Variants in DYNC1H1 observed in about 807,000 individuals in gnomAD.
DYNC1H1 encodes dynein cytoplasmic 1 heavy chain 1, also known as cytoplasmic dynein 1 heavy chain 1.
A neutral mutation model predicts 527.1 loss-of-function variants in DYNC1H1; 51 were observed. The ratio of observed to expected loss-of-function variants is 0.10; its 90% CI spans 0.08 to 0.12. The LOEUF (loss-of-function observed/expected upper bound fraction) is 0.12, where lower values mean the gene tolerates loss of function less well. Ranked by LOEUF, DYNC1H1 falls within the 10% of genes least tolerant of loss-of-function variation. DYNC1H1 has a pLI of 1.00. For synonymous variants in DYNC1H1, 2,189 were observed against 2,278.8 expected (o/e 0.96, Z 1.12); for missense variants, 2,771 against 5,971.8 (o/e 0.46, Z 17.66).
intron 51 of DYNC1H1, among the ~76,000 whole-genome samples, 156 bp from the exon 52 acceptor site, chr14:102,032,116 A>G (rs933595541): frequency 1.3e-5 from 2 of 152,232 alleles, no homozygotes; most frequent in African/African-American, 4.8e-5. Context: ...AGAGGGTTTA[A>G]TACAGAAAAG....
chr14:101,985,738 A>G lies in DYNC1H1; in HGVS notation c.1513A>G (p.Met505Val). The stretch of plus-strand genomic sequence containing the variant: ...AGGAGAGGTCCCTGAACCCCAAGAT[A>G]TGAAAGTGGCTGAGGTTCTCTTTGA... ...NQGEVPEPQD[M>V]KVAEVLFDAA... Residue 505 changes from methionine to valine, a missense_variant, in exon 8 of 78, where the codon ATG (methionine) becomes GTG (valine). By Grantham distance (21) the Met-to-Val change is conservative. Coordinates refer to ENST00000360184, the MANE Select transcript of DYNC1H1 (RefSeq NM_001376.5). This position sits in a 1 kb window ranked among gnomAD's most constrained non-coding sequence, Gnocchi z 5.9. The G allele has an allele frequency of 6.2e-7, 1 of 1,614,228 alleles. No homozygotes were observed. Among genetic ancestry groups the G allele is most frequent in the Non-Finnish European group, 8.5e-7 (1 of 1,180,032 alleles).
intron 43 of DYNC1H1, among the ~76,000 whole-genome samples, chr14:102,025,234 A>C (rs1215465537): frequency 6.6e-6 from 1 of 151,864 alleles, no homozygotes; most frequent in Non-Finnish European, 1.5e-5. Flanking sequence ...GTGAAAACCC[A>C]TCTCTACTAA....
chr14:101,987,396 G>T, intron 8 of DYNC1H1, 57 bp from the exon 9 acceptor site: 1 of 1,529,890 alleles, frequency 6.5e-7, no homozygotes, highest in Non-Finnish European at 9.0e-7. Flanking sequence ...TGTTATGTGA[G>T]AATAAAGGAA....
At position 102,038,405 on chromosome 14, in the gene DYNC1H1, G is replaced by T. The variant is rs574116260; in HGVS notation, c.10909-55G>T. 1.9e-5 allele frequency: 31 copies of T among 1,608,852 alleles called. No individual in the cohort carries two copies. In the South Asian group the frequency reaches 2.8e-4, roughly 14 times the overall value. ...AGTAGGACAGCAACATAGCATTTGG[G>T]TGAAGATAAAGTTACAAAGCCCTGA... On this transcript the variant is annotated intron_variant, in intron 57 of 77. Coordinates refer to ENST00000360184, the MANE Select transcript of DYNC1H1 (RefSeq NM_001376.5). This position sits in a 1 kb window ranked among gnomAD's most constrained non-coding sequence, Gnocchi z 7.2.
intron 48 of DYNC1H1, 190 bp downstream of exon 48, chr14:102,028,331 G>A (rs1027155743): frequency 9.8e-6 from 6 of 612,210 alleles, no homozygotes; most frequent in South Asian, 1.8e-5. Context: ...GGGCAACATG[G>A]CGAGACCCCA....
rs2048484028 is a variant in DYNC1H1, at chr14:102,029,293, A to C, written c.9469-246A>C. ...TTGTGATGCCTTTTCACATAAGTAC[A>C]CCTCTAAAGTTGGTGTAATCACCAT... On this transcript the variant is annotated intron_variant, in intron 48 of 77. Coordinates refer to ENST00000360184, the MANE Select transcript of DYNC1H1 (RefSeq NM_001376.5). The surrounding 1 kb of genome is among the most constrained non-coding windows in gnomAD (Gnocchi z 5.3). 1.8e-6 allele frequency: 1 copy of C among 553,334 alleles called. No individual in the cohort carries two copies. Among genetic ancestry groups the C allele is most frequent in the Non-Finnish European group, 3.2e-6 (1 of 308,538 alleles). The allele number at this position is 553,334 out of a possible 1,614,324, so 34.3% of individuals were successfully genotyped here.
intron 42 of DYNC1H1, among the ~76,000 whole-genome samples, chr14:102,022,344 T>TA (rs545135978): frequency 2.1e-4 from 28 of 136,178 alleles, no homozygotes; most frequent in Non-Finnish European, 3.0e-4. Flanking sequence ...AAAATACAAT[T>TA]AAAAAAAAAA....
Position 102,039,839 on chromosome 14 carries a change from T to TA in DYNC1H1, c.11690+107_11690+108insA. 2.1e-6 allele frequency: 2 copies of TA among 966,408 alleles called. No homozygotes were observed. The highest frequency in any genetic ancestry group is 2.7e-6 in the Non-Finnish European group (2 of 729,628). The allele number at this position is 966,408 out of a possible 1,614,324, so 59.9% of individuals were successfully genotyped here. On this transcript the variant is annotated intron_variant, in intron 62 of 77. Coordinates refer to ENST00000360184, the MANE Select transcript of DYNC1H1 (RefSeq NM_001376.5). This position sits in a 1 kb window ranked among gnomAD's most constrained non-coding sequence, Gnocchi z 7.0. ...ATTTCTTTTATTTTCTCTTTTATTT[T>TA]CTTTATTTTATTTTTTGAGACGGAG...
At position 101,964,702 on chromosome 14, in the gene DYNC1H1, C is replaced by G; in HGVS notation, c.11C>G (p.Pro4Arg). The G allele has an allele frequency of 6.3e-7, 1 of 1,593,772 alleles. No individual in the cohort carries two copies. The highest frequency in any genetic ancestry group is 8.5e-7 in the Non-Finnish European group (1 of 1,175,022). Residue 4 changes from proline to arginine, a missense_variant, in exon 1 of 78, where the codon CCC becomes CGC. By Grantham distance (103) the Pro-to-Arg change is moderately radical (BLOSUM62 -2). Coordinates refer to ENST00000360184, the MANE Select transcript of DYNC1H1 (RefSeq NM_001376.5). The surrounding 1 kb of genome is among the most constrained non-coding windows in gnomAD (Gnocchi z 5.5). ...CCCGAGCGCGACACCATGTCGGAGC[C>G]CGGGGGCGGCGGCGGCGAGGACGGC... MSE[P>R]GGGGGEDGSA... is the part of the protein sequence containing the mutation.
At chr14:102,006,633 C>T (rs907456741) in intron 27 of DYNC1H1, among the ~76,000 whole-genome samples, 1 of 148,588 alleles carries the variant, frequency 6.7e-6, no homozygotes, top group African/African-American at 2.5e-5. Context: ...TGGAGTCTTG[C>T]TCTGTCTCCC....
chr14:101,994,187 G>T lies in DYNC1H1; in HGVS notation c.3019G>T (p.Gly1007Cys). Residue 1007 changes from glycine (G) to cysteine (C), a missense_variant, in exon 12 of 78, where the codon GGT becomes TGT. By Grantham distance (159) the Gly-to-Cys change is radical (BLOSUM62 -3). Transcript: ENST00000360184. ...PRIQSQRYQV[G>C]VHYELTEEEK... ...CATTTCGGCTTTGGTTGGCTAGGTGGGTGTACATTACGAATTGACTGAGGA... is the reference window on the plus strand; with the variant it reads ...CATTTCGGCTTTGGTTGGCTAGGTGTGTGTACATTACGAATTGACTGAGGA... 1 of 1,614,094 alleles carries T rather than the reference G, an allele frequency of 6.2e-7. No homozygotes were observed. Among genetic ancestry groups the T allele is most frequent in the South Asian group, 1.1e-5 (1 of 91,072 alleles).
chr14:101,998,799 C>T (rs981461236), intron 16 of DYNC1H1, among the ~76,000 whole-genome samples: 3 of 151,554 alleles, frequency 2.0e-5, no homozygotes, highest in African/African-American at 7.3e-5. Context: ...TAATCAATAG[C>T]AAGATTCTGG....
At position 102,010,725 on chromosome 14, in the gene DYNC1H1, G is replaced by A. The variant is rs1212125947; in HGVS notation, c.6406-15G>A. On this transcript the variant is annotated splice_polypyrimidine_tract_variant and intron_variant, in intron 31 of 77. Transcript: ENST00000360184. The surrounding 1 kb of genome is among the most constrained non-coding windows in gnomAD (Gnocchi z 6.0). ...GCCATGCTGCGCTGCTCACAGCCCA[G>A]CCCTCTCCCCGTAGATTCTGATACA... The A allele has an allele frequency of 6.2e-7, 1 of 1,612,074 alleles. No individual in the cohort carries two copies. Among genetic ancestry groups the A allele is most frequent in the Non-Finnish European group, 8.5e-7 (1 of 1,179,872 alleles).
rs2047843963 is a variant in DYNC1H1 at position 101,979,935 on chromosome 14, A to G, written c.735A>G (p.Leu245=). The change falls in exon 4 of 78, where the codon TTA becomes TTG. Residue 245 remains leucine, a synonymous_variant. Transcript: ENST00000360184. The surrounding 1 kb of genome is among the most constrained non-coding windows in gnomAD (Gnocchi z 4.6). Reference sequence around the variant, plus strand: ...AAGACCCAACATTTCTTAATCAGTTACAATCTGGAGTTAACCGCTGGATCC... The same window carrying G: ...AAGACCCAACATTTCTTAATCAGTTGCAATCTGGAGTTAACCGCTGGATCC... ...KVEDPTFLNQ[L]QSGVNRWIRE... is the part of the protein sequence containing the mutation. The G allele has an allele frequency of 6.2e-7, 1 of 1,614,270 alleles. No individual in the cohort carries two copies. Among genetic ancestry groups the G allele is most frequent in the African/African-American group, 1.3e-5 (1 of 75,072 alleles).
Position 102,036,356 on chromosome 14 carries a change from G to A in DYNC1H1, c.10755-133G>A, listed in dbSNP as rs974894938. On this transcript the variant is annotated intron_variant, in intron 56 of 77. Transcript: ENST00000360184. This position sits in a 1 kb window ranked among gnomAD's most constrained non-coding sequence, Gnocchi z 5.6. The stretch of plus-strand genomic sequence containing the variant: ...AAGCTTTATTGGTAAACCTGAAAAC[G>A]TCTCCGGAAACCACTCTCGGGTGGT... The A allele has an allele frequency of 9.4e-6, 11 of 1,164,206 alleles. No homozygotes were observed. Among genetic ancestry groups the A allele is most frequent in the South Asian group, 7.5e-5 (6 of 79,560 alleles). The allele number at this position is 1,164,206 out of a possible 1,614,324, so 72.1% of individuals were successfully genotyped here. A position where few individuals can be genotyped will look rare whatever the true frequency, so the allele number is the denominator to read the frequency against.
At position 101,988,889 on chromosome 14, in the gene DYNC1H1, G is replaced by C. The variant is rs17540818; in HGVS notation, c.2868+37G>C. On this transcript the variant is annotated intron_variant, in intron 10 of 77. Coordinates refer to ENST00000360184, the MANE Select transcript of DYNC1H1 (RefSeq NM_001376.5). ...TGTGGCATTCTATTTACTAATAAGTGAAATAACAAAACTCTCTCGTTAAAA... is the reference window on the plus strand; with the variant it reads ...TGTGGCATTCTATTTACTAATAAGTCAAATAACAAAACTCTCTCGTTAAAA... The C allele has an allele frequency of 2.7e-3, 4,336 of 1,613,364 alleles. 115 individuals carry two copies. In the African/African-American group the frequency reaches 0.051, roughly 19 times the overall value.
At chr14:102,026,434 T>G (rs1182857634) in intron 43 of DYNC1H1, 140 bp from the exon 44 acceptor site, 5 of 928,308 alleles carry the variant, frequency 5.4e-6, no homozygotes, top group African/African-American at 3.4e-5. Flanking sequence ...TGAATTTATA[T>G]TTTTTTGCTA....
rs17512397 is a variant in DYNC1H1, at chr14:102,013,206, G to A, written c.7014+736G>A. 9.0e-3 allele frequency among the ~76,000 whole-genome samples: 1,154 copies of A among 128,406 alleles called. 12 individuals carry two copies. The highest frequency in any genetic ancestry group is 0.033 in the African/African-American group (1,095 of 33,256). The allele number at this position is 128,406 out of a possible 152,430, so 84.2% of individuals were successfully genotyped here. On this transcript the variant is annotated intron_variant, in intron 34 of 77. Coordinates refer to ENST00000360184, the MANE Select transcript of DYNC1H1 (RefSeq NM_001376.5). ...GGATGTTGCAGTGAGCCGAGATCGC[G>A]CCACTGCACTGCAGCCTGGGCGACA...
At position 101,994,669 on chromosome 14, in the gene DYNC1H1, G is replaced by A. The variant is rs1194964837; in HGVS notation, c.3157-4G>A. ...TATTATTTAACTGTGTTCTTCATTT[G>A]CAGGTTTGGCTTCAGTATCAGTGTT... is the stretch of plus-strand genomic sequence containing the variant. On this transcript the variant is annotated splice_polypyrimidine_tract_variant and splice_region_variant and intron_variant, in intron 12 of 77. Coordinates refer to ENST00000360184, the MANE Select transcript of DYNC1H1 (RefSeq NM_001376.5). The A allele has an allele frequency of 2.5e-6, 4 of 1,613,944 alleles. No individual in the cohort carries two copies. Among genetic ancestry groups the A allele is most frequent in the Non-Finnish European group, 3.4e-6 (4 of 1,180,030 alleles).
Sources: allele counts gnomAD v4.1 joint callset (sites outside exome capture counted in the v4.1 genomes callset), GRCh38; gene constraint gnomAD v4.1.1; non-coding constraint Gnocchi (gnomAD v3.1); transcripts MANE v1.5; gene names NCBI Gene and HGNC (gene_info 2026-07-23, HGNC 2026-07-21).